The following TTK variants were observed in gnomAD, a reference collection of about 807,000 sequenced individuals.
TTK encodes the protein dual specificity protein kinase TTK.
In TTK, 59 loss-of-function variants were observed where a neutral mutation model predicts 117.3. The ratio of observed to expected loss-of-function variants is 0.50; its 90% CI spans 0.41 to 0.62. The LOEUF (loss-of-function observed/expected upper bound fraction) is 0.62, where lower values mean the gene tolerates loss of function less well. TTK is among the 20% of genes least tolerant of loss of function. The probability of loss-of-function intolerance (pLI) is 0.00; values close to 1 mark genes in which losing one functional copy is unlikely to be tolerated. For missense variants in TTK, 921 were observed against 989.4 expected, an observed-to-expected ratio of 0.93 and a Z score of 0.93; for synonymous variants, 302 against 325.0, an observed-to-expected ratio of 0.93 and a Z score of 0.76.
chr6:80,011,101 A>C, intron 5 of TTK, 144 bp downstream of exon 5: 1 of 1,123,314 alleles, frequency 8.9e-7, no homozygotes, highest in Non-Finnish European at 1.2e-6. Context: ...ACTGAGAAGT[A>C]AAAAAGTCTC....
intron 10 of TTK, among the ~76,000 whole-genome samples, chr6:80,016,655 C>T (rs940214833): frequency 3.3e-5 from 5 of 151,934 alleles, no homozygotes; most frequent in African/African-American, 7.3e-5. Context: ...TAAGGGAAAA[C>T]GCATAATTAT....
Position 80,010,908 on chromosome 6 carries a change from C to A in TTK, c.564C>A (p.Asn188Lys). 2 of 1,611,740 alleles carry A rather than the reference C, an allele frequency of 1.2e-6. No homozygotes were observed. Among genetic ancestry groups the A allele is most frequent in the Non-Finnish European group, 8.5e-7 (1 of 1,178,458 alleles). The stretch of plus-strand genomic sequence containing the variant: ...TGGAAATTGCCCTGCGGAATTTAAA[C>A]CTCCAAAAAAAGCAGCTGCTTTCAG... ...EMLEIALRNL[N>K]LQKKQLLSEE... Residue 188 changes from asparagine (N) to lysine (K), a missense_variant, in exon 5 of 22, where the codon AAC becomes AAA. Asn to Lys is a moderately conservative substitution (Grantham distance 94). Transcript: ENST00000369798.
intron 13 of TTK, among the ~76,000 whole-genome samples, chr6:80,029,542 C>A (rs1292028418): frequency 6.6e-6 from 1 of 152,118 alleles, no homozygotes; most frequent in Admixed American, 6.5e-5. Context: ...ATCCAGAAGA[C>A]GAGTCACAGA....
At chr6:80,014,371 A>G in intron 9 of TTK, 92 bp from the exon 10 acceptor site, 1 of 1,180,666 alleles carries the variant, frequency 8.5e-7, no homozygotes, top group Non-Finnish European at 1.1e-6. Flanking sequence ...TGAGCAATCC[A>G]TGTATAGATA....
intron 21 of TTK, 82 bp from the exon 22 acceptor site, chr6:80,042,037 G>T: frequency 5.7e-6 from 4 of 697,468 alleles, no homozygotes; most frequent in Non-Finnish European, 9.2e-6. Flanking sequence ...ATTATATTTA[G>T]AATACATCAA....
At position 80,014,457 on chromosome 6, in the gene TTK, A is replaced by G. The variant is rs1340487062; in HGVS notation, c.985-6A>G. 6 of 1,595,766 alleles carry G rather than the reference A, an allele frequency of 3.8e-6. No individual in the cohort carries two copies. The highest frequency in any genetic ancestry group is 1.7e-4 in the Middle Eastern group (1 of 5,810). ...GGGACTTTATTTGATTTTCTTTTTC[A>G]TGTAGTCTGTTCAAAATAGTCATTT... On this transcript the variant is annotated splice_polypyrimidine_tract_variant and splice_region_variant and intron_variant, in intron 9 of 21. Transcript: ENST00000369798.
intron 13 of TTK, 124 bp downstream of exon 13, chr6:80,028,135 C>T: frequency 9.4e-7 from 1 of 1,066,468 alleles, no homozygotes. Context: ...TTCCACTAGA[C>T]AAAACTTTTC....
At position 80,013,284 on chromosome 6, in the gene TTK, C is replaced by A. The variant is rs770654454; in HGVS notation, c.902C>A (p.Thr301Asn). ...TTTTGTTTCACGGGTAAAAGACAAA[C>A]CTCTAGATCAGAATGCCGAGATTTG... ...SVVPCFMKRQTSRSECRDLVV... is the reference protein window; with the variant it reads ...SVVPCFMKRQNSRSECRDLVV... Residue 301 changes from threonine to asparagine, a missense_variant, in exon 9 of 22, where the codon ACC (threonine) becomes AAC (asparagine). Coordinates refer to ENST00000369798, the MANE Select transcript of TTK (RefSeq NM_003318.5). 1.9e-6 allele frequency: 3 copies of A among 1,594,742 alleles called. No homozygotes were observed. The South Asian group carries it at 3.4e-5, about 18-fold the overall frequency.
chr6:80,041,559 C>T (rs1032588923), intron 21 of TTK, among the ~76,000 whole-genome samples: 1 of 151,450 alleles, frequency 6.6e-6, no homozygotes, highest in African/African-American at 2.4e-5. Flanking sequence ...TATTCAAAGC[C>T]TCTTATAGCT....
intron 10 of TTK, among the ~76,000 whole-genome samples, chr6:80,021,701 G>T (rs1422214750): frequency 6.6e-6 from 1 of 152,120 alleles, no homozygotes; most frequent in Non-Finnish European, 1.5e-5. Context: ...CCATCTGGAG[G>T]TATGGTTTGT....
At chr6:80,029,071 T>C (rs748297702) in intron 13 of TTK, among the ~76,000 whole-genome samples, 1 of 152,204 alleles carries the variant, frequency 6.6e-6, no homozygotes, top group Non-Finnish European at 1.5e-5. Context: ...TAGCAATTGT[T>C]ATTTAAATAA....
At chr6:80,017,796 T>G (rs939589166) in intron 10 of TTK, among the ~76,000 whole-genome samples, 1 of 152,118 alleles carries the variant, frequency 6.6e-6, no homozygotes, top group Non-Finnish European at 1.5e-5. Flanking sequence ...ATCTTTACAA[T>G]TAAGTTTTAC....
chr6:80,005,977 C>G lies in TTK; in HGVS notation c.134C>G (p.Thr45Ser). 6.2e-7 allele frequency: 1 copy of G among 1,602,448 alleles called. No homozygotes were observed. Among genetic ancestry groups the G allele is most frequent in the East Asian group, 2.2e-5 (1 of 44,706 alleles). Residue 45 changes from threonine (T) to serine (S), a missense_variant, in exon 2 of 22, where the codon ACT becomes AGT. Coordinates refer to ENST00000369798, the MANE Select transcript of TTK (RefSeq NM_003318.5). ...ELSLNKISAD[T>S]TDNSGTVNQI... Reference sequence around the variant, plus strand: ...AGCTTGAATAAAATTTCTGCTGATACTACAGGTGAGTTTTTCTTTTCTTTT... The same window carrying G: ...AGCTTGAATAAAATTTCTGCTGATAGTACAGGTGAGTTTTTCTTTTCTTTT...
intron 9 of TTK, among the ~76,000 whole-genome samples, chr6:80,013,803 T>C (rs1767231381): frequency 6.6e-6 from 1 of 152,118 alleles, no homozygotes; most frequent in African/African-American, 2.4e-5. Context: ...CCTCCTGACA[T>C]GGCAGAGCAA....
At position 80,042,369 on chromosome 6, in the gene TTK, A is replaced by T; in HGVS notation, c.*167A>T. The T allele has an allele frequency of 2.1e-6, 1 of 472,582 alleles. No homozygotes were observed. The highest frequency in any genetic ancestry group is 3.9e-6 in the Non-Finnish European group (1 of 258,476). 29.3% of individuals were successfully genotyped at this position (472,582 alleles called of 1,614,324 possible). ...AAAGAAAACTGTAAAAATAGCAACC[A>T]CTTATGGCACTGTATATATTGTAGA... On this transcript the variant is annotated 3_prime_UTR_variant, in exon 22 of 22. Coordinates refer to ENST00000369798, the MANE Select transcript of TTK (RefSeq NM_003318.5).
At chr6:80,006,067 A>G in intron 2 of TTK, 85 bp downstream of exon 2, 6 of 1,502,798 alleles carry the variant, frequency 4.0e-6, no homozygotes, top group Non-Finnish European at 5.4e-6. Flanking sequence ...CTTTATTTAT[A>G]ATTTACTCAT....
At position 80,036,552 on chromosome 6, in the gene TTK, G is replaced by A; in HGVS notation, c.2002G>A (p.Ala668Thr). The A allele has an allele frequency of 6.2e-7, 1 of 1,611,350 alleles. No homozygotes were observed. The highest frequency in any genetic ancestry group is 8.5e-7 in the Non-Finnish European group (1 of 1,178,664). The change falls in exon 17 of 22, where the codon GCA (alanine) becomes ACA (threonine). Residue 668 changes from alanine to threonine, a missense_variant. Physicochemically the swap from Ala to Thr is moderately conservative, Grantham distance 58. Coordinates refer to ENST00000369798, the MANE Select transcript of TTK (RefSeq NM_003318.5). Reference sequence around the variant, plus strand: ...GCTAAAGCTAATTGATTTTGGGATTGCAAACCAAATGCAACCAGATACAAC... The same window carrying A: ...GCTAAAGCTAATTGATTTTGGGATTACAAACCAAATGCAACCAGATACAAC... ...GMLKLIDFGI[A>T]NQMQPDTTSV...
intron 14 of TTK, among the ~76,000 whole-genome samples, chr6:80,032,834 C>T (rs769661394): frequency 3.9e-5 from 6 of 152,096 alleles, no homozygotes; most frequent in Non-Finnish European, 7.4e-5. Flanking sequence ...TCCTTGCCCT[C>T]CTGGTCTATT....
At chr6:80,033,940 A>G (rs774057828) in intron 14 of TTK, among the ~76,000 whole-genome samples, 1 of 152,020 alleles carries the variant, frequency 6.6e-6, no homozygotes, top group Non-Finnish European at 1.5e-5. Flanking sequence ...AGAGGTATTT[A>G]TTTACTTGTA....
Sources: allele counts gnomAD v4.1 joint callset (sites outside exome capture counted in the v4.1 genomes callset), GRCh38; gene constraint gnomAD v4.1.1; transcripts MANE v1.5; gene names NCBI Gene and HGNC (gene_info 2026-07-23, HGNC 2026-07-21).